Variants in FOXN2 observed in about 807,000 individuals in gnomAD.
The protein encoded by FOXN2 is forkhead box N2.
A neutral mutation model predicts 41.2 loss-of-function variants in FOXN2; 19 were observed. That is an observed-to-expected ratio of 0.46 (90% CI 0.32 to 0.68). The LOEUF is 0.68. Ranked by LOEUF, FOXN2 falls within the 30% of genes least tolerant of loss-of-function variation. The pLI, the probability that FOXN2 is intolerant of heterozygous loss-of-function variation, is 0.03. For missense variants in FOXN2, 587 were observed against 509.4 expected (o/e 1.15, Z -1.47); for synonymous variants, 195 against 176.8 (o/e 1.10, Z -0.82).
chr2:48,373,206 G>T, intron 5 of FOXN2, 86 bp from the exon 6 acceptor site: 1 of 886,400 alleles, frequency 1.1e-6, no homozygotes, highest in Non-Finnish European at 1.8e-6. Flanking sequence ...AAATTGTAAC[G>T]CTGGTTATCT....
chr2:48,318,502 C>T (rs575957293), intron 1 of FOXN2, among the ~76,000 whole-genome samples: 1 of 152,280 alleles, frequency 6.6e-6, no homozygotes, highest in East Asian at 1.9e-4. Context: ...AAACTGATGA[C>T]GCTTACCTTG....
chr2:48,346,093 A>G (rs1671078655), intron 2 of FOXN2, 108 bp from the exon 3 acceptor site: 2 of 917,630 alleles, frequency 2.2e-6, no homozygotes, highest in East Asian at 2.5e-5. Flanking sequence ...ATGTGGGACA[A>G]TTGATTGCAA....
chr2:48,347,303 T>C (rs560821086), intron 3 of FOXN2, among the ~76,000 whole-genome samples: 1 of 143,822 alleles, frequency 7.0e-6, no homozygotes, highest in Admixed American at 7.2e-5. Context: ...CTCTGCTCAC[T>C]GCAACCTCCG....
At chr2:48,349,757 G>A (rs779811331) in intron 3 of FOXN2, among the ~76,000 whole-genome samples, 3 of 152,064 alleles carry the variant, frequency 2.0e-5, no homozygotes, top group Admixed American at 6.6e-5. Context: ...GTGAAACTCC[G>A]TCTCAAAAAA....
chr2:48,339,028 A>G (rs951020043), intron 2 of FOXN2, among the ~76,000 whole-genome samples: 1 of 152,218 alleles, frequency 6.6e-6, no homozygotes, highest in Admixed American at 6.5e-5. Flanking sequence ...CAAGGCTTCA[A>G]TAGATACTTT....
chr2:48,329,714 C>T (rs1336332775), intron 2 of FOXN2, among the ~76,000 whole-genome samples: 4 of 151,920 alleles, frequency 2.6e-5, no homozygotes, highest in Non-Finnish European at 4.4e-5. Flanking sequence ...TTGATTTTAC[C>T]CTCTAATCTC....
At chr2:48,349,496 G>T (rs1372595095) in intron 3 of FOXN2, among the ~76,000 whole-genome samples, 1 of 151,664 alleles carries the variant, frequency 6.6e-6, no homozygotes, top group Non-Finnish European at 1.5e-5. Flanking sequence ...AAAATAAGCT[G>T]GACGTGGTGG....
chr2:48,358,843 C>G (rs548342672), intron 3 of FOXN2, among the ~76,000 whole-genome samples: 2 of 151,786 alleles, frequency 1.3e-5, no homozygotes, highest in East Asian at 1.9e-4. Context: ...CCTCACTAAT[C>G]TTGTGAATTA....
chr2:48,366,066 A>G (rs1011250592), intron 5 of FOXN2, among the ~76,000 whole-genome samples: 1 of 152,062 alleles, frequency 6.6e-6, no homozygotes, highest in Non-Finnish European at 1.5e-5. Flanking sequence ...CTTAGAAAAT[A>G]TATACTTTGG....
intron 2 of FOXN2, among the ~76,000 whole-genome samples, chr2:48,333,431 T>G (rs1670139223): frequency 2.0e-5 from 3 of 152,156 alleles, no homozygotes; most frequent in African/African-American, 7.2e-5. Flanking sequence ...CTTCTGACAT[T>G]ATAGTAATTC....
At chr2:48,366,774 G>GT (rs1672564256) in intron 5 of FOXN2, among the ~76,000 whole-genome samples, 1 of 151,748 alleles carries the variant, frequency 6.6e-6, no homozygotes, top group Non-Finnish European at 1.5e-5. Flanking sequence ...CACACAACTA[G>GT]TAAGTGGCAA....
chr2:48,339,862 A>G lies in FOXN2; in HGVS notation c.-14-6339A>G, dbSNP rs541765033. Reference sequence around the variant, plus strand: ...AACAGTAGTACTTGTAATAGCCCCAAACATAAACAATTAAATGTTCCTTAA... The same window carrying G: ...AACAGTAGTACTTGTAATAGCCCCAGACATAAACAATTAAATGTTCCTTAA... On this transcript the variant is annotated intron_variant, in intron 2 of 6. Transcript: ENST00000340553. 1.4e-3 allele frequency among the ~76,000 whole-genome samples: 211 copies of G among 152,352 alleles called. 3 individuals are homozygous for G. Among genetic ancestry groups the G allele is most frequent in the Non-Finnish European group, 1.9e-3 (126 of 68,024 alleles).
intron 2 of FOXN2, chr2:48,340,573 G>A (rs1245118114): frequency 1.3e-5 from 2 of 152,130 alleles, no homozygotes; most frequent in Non-Finnish European, 2.9e-5. Context: ...TACCGCCATG[G>A]CAGGCACACA....
intron 2 of FOXN2, among the ~76,000 whole-genome samples, chr2:48,336,360 A>G (rs1670352116): frequency 6.6e-6 from 1 of 150,572 alleles, no homozygotes; most frequent in African/African-American, 2.4e-5. Flanking sequence ...TTGAGCTGAG[A>G]TTGTGCCACT....
At chr2:48,326,305 G>T (rs1046633338) in intron 1 of FOXN2, among the ~76,000 whole-genome samples, 8 of 152,172 alleles carry the variant, frequency 5.3e-5, no homozygotes, top group African/African-American at 1.9e-4. Flanking sequence ...GAAATGGAGA[G>T]AACAAGGGAA....
chr2:48,337,153 A>G (rs988861956), intron 2 of FOXN2, among the ~76,000 whole-genome samples: 1 of 151,672 alleles, frequency 6.6e-6, no homozygotes, highest in Non-Finnish European at 1.5e-5. Context: ...CTACTCTTAG[A>G]CGTTCATGAT....
chr2:48,360,646 A>C (rs1300554175), intron 4 of FOXN2, among the ~76,000 whole-genome samples: 3 of 152,198 alleles, frequency 2.0e-5, no homozygotes, highest in Non-Finnish European at 2.9e-5. Context: ...CTAGAAAAGA[A>C]GTTACCAGAT....
intron 3 of FOXN2, among the ~76,000 whole-genome samples, chr2:48,349,150 A>G (rs1335376404): frequency 6.6e-6 from 1 of 152,138 alleles, no homozygotes; most frequent in Non-Finnish European, 1.5e-5. Context: ...AGCCTGGGAG[A>G]TAGAGGGAGA....
chr2:48,320,747 A>G (rs2104079579), intron 1 of FOXN2, among the ~76,000 whole-genome samples: 1 of 152,228 alleles, frequency 6.6e-6, no homozygotes, highest in East Asian at 1.9e-4. Context: ...TAAAAAATGA[A>G]TATTTGTTAG....
Sources: gnomAD v4.1 joint callset for allele counts (sites outside exome capture counted in the v4.1 genomes callset) on GRCh38, gnomAD v4.1.1 for gene constraint, MANE v1.5 for transcripts, NCBI Gene and HGNC (gene_info 2026-07-23, HGNC 2026-07-21) for gene names.